The following ING4 variants were observed in gnomAD, a reference collection of about 807,000 sequenced individuals.
The protein encoded by ING4 is inhibitor of growth family member 4.
Under a neutral mutation model 33.1 loss-of-function variants are expected in ING4, and 28 were observed. That is an observed-to-expected ratio of 0.85 (90% CI 0.63 to 1.16). ING4 has a LOEUF of 1.16. ING4 is among the 50% of genes most tolerant of loss of function. The pLI, the probability that ING4 is intolerant of heterozygous loss-of-function variation, is 0.00. For synonymous variants in ING4, 87 were observed against 104.4 expected (o/e 0.83, Z 1.02); for missense variants, 247 against 314.7 (o/e 0.78, Z 1.63).
Position 6,652,741 on chromosome 12 carries a change from C to G in ING4, c.418G>C (p.Ala140Pro). The G allele has an allele frequency of 6.2e-7, 1 of 1,614,104 alleles. No individual in the cohort carries two copies. Among genetic ancestry groups the G allele is most frequent in the Non-Finnish European group, 8.5e-7 (1 of 1,180,018 alleles). Reference sequence around the variant, plus strand: ...TTTTTCCCTTTGGAACGAGCACGAGCAGCTTTCTTCTCCTTTTGAGTCCGG... The same window carrying G: ...TTTTTCCCTTTGGAACGAGCACGAGGAGCTTTCTTCTCCTTTTGAGTCCGG... ...KSRTQKEKKA[A>P]RARSKGKNSD... is the part of the protein sequence containing the mutation. Residue 140 changes from alanine to proline, a missense_variant, in exon 5 of 8, where the codon GCT becomes CCT. Physicochemically the swap from Ala to Pro is conservative, Grantham distance 27. Coordinates refer to ENST00000341550, the MANE Select transcript of ING4 (RefSeq NM_016162.4).
intron 1 of ING4, among the ~76,000 whole-genome samples, chr12:6,662,340 T>C (rs1215548822): frequency 2.6e-5 from 4 of 152,170 alleles, no homozygotes; most frequent in Non-Finnish European, 5.9e-5. Context: ...TGTTTTATAA[T>C]TATTTGCAGA....
At position 6,651,208 on chromosome 12, in the gene ING4, C is replaced by T. The variant is rs1405508662; in HGVS notation, c.734G>A (p.Arg245Gln). 7 of 1,614,076 alleles carry T rather than the reference C, an allele frequency of 4.3e-6. No individual in the cohort carries two copies. Among genetic ancestry groups the T allele is most frequent in the African/African-American group, 2.7e-5 (2 of 74,942 alleles). The change falls in exon 8 of 8, where the codon CGG (arginine) becomes CAG (glutamine). Residue 245 changes from arginine to glutamine, a missense_variant. Physicochemically the swap from Arg to Gln is conservative, Grantham distance 43. Around this residue, in one of 3 missense-constraint regions of ING4, gnomAD observed 38 missense variants for 49.7 expected, o/e 0.77. Coordinates refer to ENST00000341550, the MANE Select transcript of ING4 (RefSeq NM_016162.4). The part of the protein sequence containing the change: ...KWFCPRCSQE[R>Q]KKK ...CAAGGCCCTTATCTATTTCTTCTTCCGTTCTTGGGAGCAGCGTGGGCAAAA... is the reference window on the plus strand; with the variant it reads ...CAAGGCCCTTATCTATTTCTTCTTCTGTTCTTGGGAGCAGCGTGGGCAAAA...
At chr12:6,662,091 C>A (rs1257545071) in intron 1 of ING4, among the ~76,000 whole-genome samples, 1 of 152,198 alleles carries the variant, frequency 6.6e-6, no homozygotes, top group Non-Finnish European at 1.5e-5. Context: ...ACCTCTGAGT[C>A]ATAAATATCA....
rs765616119 is a variant in ING4, at chr12:6,653,070, A to T, written c.277-20T>A. On this transcript the variant is annotated intron_variant, in intron 3 of 7. Transcript: ENST00000341550. The stretch of plus-strand genomic sequence containing the variant: ...GTCCACCTGGGTGGAAAGGAAGGAG[A>T]AAGGAGAGGTACAAAACTATCTCCA... The T allele has an allele frequency of 1.9e-6, 3 of 1,611,634 alleles. No homozygotes were observed. Among genetic ancestry groups the T allele is most frequent in the South Asian group, 2.2e-5 (2 of 91,044 alleles).
chr12:6,657,898 C>T (rs1451944565), intron 1 of ING4: 1 of 150,254 alleles, frequency 6.7e-6, no homozygotes, highest in African/African-American at 2.4e-5. Context: ...CTACTGCACT[C>T]CAGCCTGGTG....
intron 2 of ING4, 96 bp from the exon 3 acceptor site, chr12:6,653,492 G>T: frequency 8.2e-7 from 1 of 1,215,504 alleles, no homozygotes; most frequent in Non-Finnish European, 1.1e-6. Context: ...CCATTGATTA[G>T]CATAACCTTC....
At position 6,658,461 on chromosome 12, in the gene ING4, G is replaced by A. The variant is rs1055191420; in HGVS notation, c.38-1663C>T. ...AGCACTTTGGGAGGCCCAGGTGGGC[G>A]CATCAGCTGAGCTGAGGAGTTCAAG... On this transcript the variant is annotated intron_variant, in intron 1 of 7. Transcript: ENST00000341550. 1.8e-4 allele frequency among the ~76,000 whole-genome samples: 27 copies of A among 151,926 alleles called. 1 individual carries two copies. Among genetic ancestry groups the A allele is most frequent in the Non-Finnish European group, 3.8e-4 (26 of 67,952 alleles).
At position 6,651,062 on chromosome 12, in the gene ING4, GGGA is replaced by G. The variant is rs1949163518; in HGVS notation, c.*130_*132del. ...GCCTCAGCACCGGGAGTGGGGAGAG[GGGA>G]GGAGAAGGGATGACAGCACTGTGCC... On this transcript the variant is annotated 3_prime_UTR_variant, in exon 8 of 8. Coordinates refer to ENST00000341550, the MANE Select transcript of ING4 (RefSeq NM_016162.4). 1.4e-5 allele frequency: 14 copies of G among 982,362 alleles called. No individual in the cohort carries two copies. Among genetic ancestry groups the G allele is most frequent in the Non-Finnish European group, 2.2e-5 (14 of 636,514 alleles). 60.9% of individuals were successfully genotyped at this position (982,362 alleles called of 1,614,324 possible).
At chr12:6,657,427 C>T (rs564590791) in intron 1 of ING4, among the ~76,000 whole-genome samples, 92 of 151,316 alleles carry the variant, frequency 6.1e-4, no homozygotes, top group African/African-American at 1.3e-3. Flanking sequence ...CCAGCCTGGG[C>T]GACACAGTGA....
intron 1 of ING4, among the ~76,000 whole-genome samples, chr12:6,661,042 T>C (rs1014527556): frequency 1.3e-5 from 2 of 150,750 alleles, no homozygotes; most frequent in African/African-American, 4.9e-5. Context: ...GATCCACCCA[T>C]CTCAGCCTCC....
chr12:6,661,934 C>G (rs1949567918), intron 1 of ING4, among the ~76,000 whole-genome samples: 1 of 152,182 alleles, frequency 6.6e-6, no homozygotes, highest in African/African-American at 2.4e-5. Context: ...ATATATTAGT[C>G]ATTTTCCTCT....
At chr12:6,651,262 G>A (rs1448558211) in intron 7 of ING4, 28 bp from the exon 8 acceptor site, 2 of 1,613,934 alleles carry the variant, frequency 1.2e-6, no homozygotes, top group Admixed American at 1.7e-5. Context: ...AGAGAAAAGT[G>A]AGTGAAAGGG....
rs1484797122 is a variant in ING4 at position 6,661,421 on chromosome 12, T to G, written c.37+1644A>C. On this transcript the variant is annotated intron_variant, in intron 1 of 7. Coordinates refer to ENST00000341550, the MANE Select transcript of ING4 (RefSeq NM_016162.4). Reference sequence around the variant, plus strand: ...ACCAGCCTTTGTTTTTTTTTTTTTTTTTTTTTTTGAGAGGGACACGGAGTC... The same window carrying G: ...ACCAGCCTTTGTTTTTTTTTTTTTTGTTTTTTTTGAGAGGGACACGGAGTC... Among the ~76,000 whole-genome samples, 12 of 148,666 alleles carry G rather than the reference T, an allele frequency of 8.1e-5. 1 individual carries two copies. Among genetic ancestry groups the G allele is most frequent in the African/African-American group, 1.3e-4 (5 of 39,710 alleles).
At chr12:6,656,839 T>C (rs1032489885) in intron 1 of ING4, 41 bp from the exon 2 acceptor site, 6 of 1,243,018 alleles carry the variant, frequency 4.8e-6, no homozygotes, top group African/African-American at 1.6e-5. Context: ...TGACTATGCA[T>C]AGGCCTTACA....
Position 6,651,155 on chromosome 12 carries a change from G to C in ING4, c.*40C>G. 6.2e-7 allele frequency: 1 copy of C among 1,611,090 alleles called. No homozygotes were observed. Among genetic ancestry groups the C allele is most frequent in the Non-Finnish European group, 8.5e-7 (1 of 1,177,270 alleles). On this transcript the variant is annotated 3_prime_UTR_variant, in exon 8 of 8. Coordinates refer to ENST00000341550, the MANE Select transcript of ING4 (RefSeq NM_016162.4). ...TCCTCTGCCCACTAGCCCAAGTCAGGGGATGTGGAAGAAACTGTGTTGGAA... is the reference window on the plus strand; with the variant it reads ...TCCTCTGCCCACTAGCCCAAGTCAGCGGATGTGGAAGAAACTGTGTTGGAA...
In ING4 at chr12:6,652,666, G is replaced by C; in HGVS notation, c.493C>G (p.Arg165Gly). The change falls in exon 5 of 8, where the codon CGC becomes GGC. Residue 165 changes from arginine to glycine, a missense_variant. Arg to Gly is a moderately radical substitution (Grantham distance 125). Coordinates refer to ENST00000341550, the MANE Select transcript of ING4 (RefSeq NM_016162.4). ...KTAQKKLKLV[R>G]TSPEYGMPSV... is the part of the protein sequence containing the mutation. ...AGGGCTCCCTGAATCACTCACGTGC[G>C]CACGAGCTTTAACTTCTTCTGGGCA... The C allele has an allele frequency of 6.2e-7, 1 of 1,613,442 alleles. No homozygotes were observed. The highest frequency in any genetic ancestry group is 8.5e-7 in the Non-Finnish European group (1 of 1,179,634).
chr12:6,652,530 G>T, intron 5 of ING4, 112 bp from the exon 6 acceptor site: 2 of 1,387,176 alleles, frequency 1.4e-6, no homozygotes, highest in Non-Finnish European at 2.0e-6. Flanking sequence ...GGCTTCTCCA[G>T]CAGATACCAA....
rs369340158 is a variant in ING4 at position 6,656,821 on chromosome 12, C to G, written c.38-23G>C. 1.1e-5 allele frequency: 16 copies of G among 1,452,648 alleles called. No homozygotes were observed. The African/African-American group carries it at 1.9e-4, about 17-fold the overall frequency. The allele number at this position is 1,452,648 out of a possible 1,614,324, so 90.0% of individuals were successfully genotyped here. ...TACCTAGGGAAGAGAGAGAAACAAT[C>G]ACAGGACTGACTATGCATAGGCCTT... On this transcript the variant is annotated intron_variant, in intron 1 of 7. Coordinates refer to ENST00000341550, the MANE Select transcript of ING4 (RefSeq NM_016162.4).
intron 1 of ING4, among the ~76,000 whole-genome samples, chr12:6,658,778 G>C (rs1949453231): frequency 1.3e-5 from 2 of 152,148 alleles, no homozygotes; most frequent in Non-Finnish European, 2.9e-5. Context: ...ACTTCCTACT[G>C]CTCTGAAGAT....
Sources: gnomAD v4.1 joint callset for allele counts (sites outside exome capture counted in the v4.1 genomes callset) on GRCh38, gnomAD v4.1.1 for gene constraint, gnomAD v4.1.1 regional missense constraint, MANE v1.5 for transcripts, NCBI Gene and HGNC (gene_info 2026-07-23, HGNC 2026-07-21) for gene names.